Variants in E2F3 observed in about 807,000 individuals in gnomAD.
The protein encoded by E2F3 is transcription factor E2F3.
A neutral mutation model predicts 44.4 loss-of-function variants in E2F3; 11 were observed. The ratio of observed to expected loss-of-function variants is 0.25; its 90% CI spans 0.16 to 0.41. The LOEUF (loss-of-function observed/expected upper bound fraction) is 0.41. Ranked by LOEUF, E2F3 falls within the 10% of genes least tolerant of loss-of-function variation. The pLI, the probability that E2F3 is intolerant of heterozygous loss-of-function variation, is 1.00. For synonymous variants in E2F3, 249 were observed against 253.0 expected (o/e 0.98, Z 0.15); for missense variants, 487 against 583.6 (o/e 0.83, Z 1.70).
chr6:20,405,115 A>C (rs781055850), intron 1 of E2F3, among the ~76,000 whole-genome samples: 16 of 152,162 alleles, frequency 1.1e-4, no homozygotes, highest in Non-Finnish European at 2.1e-4. Context: ...TATCTAGTTC[A>C]TTGTATTTAA....
chr6:20,453,391 T>C (rs1761198003), intron 1 of E2F3, among the ~76,000 whole-genome samples: 1 of 152,070 alleles, frequency 6.6e-6, no homozygotes, highest in African/African-American at 2.4e-5. Context: ...TTCTGTTAAG[T>C]ATGGATTCAA....
chr6:20,425,624 G>A (rs1760190627), intron 1 of E2F3, among the ~76,000 whole-genome samples: 1 of 152,118 alleles, frequency 6.6e-6, no homozygotes, highest in Non-Finnish European at 1.5e-5. Context: ...CCTGACCCTA[G>A]GTGATCTGCC....
intron 1 of E2F3, among the ~76,000 whole-genome samples, chr6:20,418,771 C>T (rs901407614): frequency 6.6e-6 from 1 of 152,042 alleles, no homozygotes; most frequent in Non-Finnish European, 1.5e-5. Context: ...AGCATATGGA[C>T]ACTGTCATTC....
chr6:20,402,737 T>A lies in E2F3; in HGVS notation c.393+112T>A. The A allele has an allele frequency of 8.0e-7, 1 of 1,250,268 alleles. No individual in the cohort carries two copies. The highest frequency in any genetic ancestry group is 1.0e-6 in the Non-Finnish European group (1 of 999,076). The allele number at this position is 1,250,268 out of a possible 1,614,324, so 77.4% of individuals were successfully genotyped here. Reference sequence around the variant, plus strand: ...GGGGAGAGCACTGGGCCGAGCATCGTGGGCCTCGGGGGCTGCCCCTCCAAC... The same window carrying A: ...GGGGAGAGCACTGGGCCGAGCATCGAGGGCCTCGGGGGCTGCCCCTCCAAC... On this transcript the variant is annotated intron_variant, in intron 1 of 6. Coordinates refer to ENST00000346618, the MANE Select transcript of E2F3 (RefSeq NM_001949.5). This position sits in a 1 kb window ranked among gnomAD's most constrained non-coding sequence, Gnocchi z 5.6.
chr6:20,482,740 G>T lies in E2F3; in HGVS notation c.726-22G>T, dbSNP rs749372204. The T allele has an allele frequency of 2.5e-6, 4 of 1,574,436 alleles. No individual in the cohort carries two copies. In the African/African-American group the frequency reaches 5.4e-5, roughly 21 times the overall value. On this transcript the variant is annotated intron_variant, in intron 3 of 6. Transcript: ENST00000346618. ...CCTCCCTCCCATGAGTAGCCATGAA[G>T]AGTCTGTGTTTGGGTTTCTAGGGGC...
rs190966074 is a variant in E2F3 at position 20,411,333 on chromosome 6, C to T, written c.393+8708C>T. Among the ~76,000 whole-genome samples, 177 of 152,114 alleles carry T rather than the reference C, an allele frequency of 1.2e-3. 1 individual carries two copies. The highest frequency in any genetic ancestry group is 3.5e-3 in the African/African-American group (147 of 41,500). On this transcript the variant is annotated intron_variant, in intron 1 of 6. Transcript: ENST00000346618. ...CCCTGCCAGTGTGTGTATATCAAGG[C>T]AGGGCGGGGGGTTGTCTTGCTCTCC...
At chr6:20,473,365 C>G (rs1761951485) in intron 1 of E2F3, among the ~76,000 whole-genome samples, 1 of 152,154 alleles carries the variant, frequency 6.6e-6, no homozygotes, top group Non-Finnish European at 1.5e-5. Flanking sequence ...GTCAGTTAAT[C>G]ACACTAGACC....
chr6:20,448,427 G>A (rs952228069), intron 1 of E2F3, among the ~76,000 whole-genome samples: 2 of 152,056 alleles, frequency 1.3e-5, no homozygotes, highest in Non-Finnish European at 2.9e-5. Flanking sequence ...TGTGCCCAGA[G>A]GAAGTTAAAT....
intron 1 of E2F3, among the ~76,000 whole-genome samples, chr6:20,413,083 A>G (rs1759727497): frequency 6.6e-6 from 1 of 152,238 alleles, no homozygotes; most frequent in Non-Finnish European, 1.5e-5. Flanking sequence ...AAGTGGGGCA[A>G]CTGAAATTAA....
chr6:20,458,272 C>T (rs764698662), intron 1 of E2F3, among the ~76,000 whole-genome samples: 1 of 152,118 alleles, frequency 6.6e-6, no homozygotes, highest in Non-Finnish European at 1.5e-5. Context: ...TTTAAAGAAT[C>T]GCGTGTGCTT....
intron 1 of E2F3, among the ~76,000 whole-genome samples, chr6:20,474,095 T>G (rs1036071557): frequency 4.2e-5 from 1 of 23,716 alleles, no homozygotes; most frequent in African/African-American, 1.2e-4. Flanking sequence ...TGGGGTTTTG[T>G]GGTTTTTTTT....
intron 1 of E2F3, among the ~76,000 whole-genome samples, chr6:20,424,968 A>T (rs1162975713): frequency 6.6e-6 from 1 of 152,162 alleles, no homozygotes; most frequent in African/African-American, 2.4e-5. Flanking sequence ...TTCTCACATG[A>T]CGAGGGCAGG....
intron 1 of E2F3, among the ~76,000 whole-genome samples, chr6:20,466,824 GCT>G: frequency 6.6e-6 from 1 of 151,896 alleles, no homozygotes; most frequent in South Asian, 2.1e-4. Context: ...TGGGATTTCA[GCT>G]GCCTGCCACC....
Position 20,458,928 on chromosome 6 carries a change from T to C in E2F3, c.394-20918T>C, listed in dbSNP as rs546983076. Among the ~76,000 whole-genome samples the C allele has an allele frequency of 6.2e-4, 90 of 144,202 alleles. 1 individual carries two copies. In the South Asian group the frequency reaches 0.021, roughly 33 times the overall value. The allele number at this position is 144,202 out of a possible 152,430, so 94.6% of individuals were successfully genotyped here. ...TTGTCAGGGATCATACGAAATGGGG[T>C]CTACATCAGATTTTCCACAGTTGTT... On this transcript the variant is annotated intron_variant, in intron 1 of 6. Coordinates refer to ENST00000346618, the MANE Select transcript of E2F3 (RefSeq NM_001949.5).
chr6:20,466,165 T>TCAC (rs1351402901), intron 1 of E2F3, among the ~76,000 whole-genome samples: 2 of 151,864 alleles, frequency 1.3e-5, no homozygotes, highest in Admixed American at 1.3e-4. Flanking sequence ...CAGGCTGGAG[T>TCAC]GCAGTGTCGT....
intron 1 of E2F3, among the ~76,000 whole-genome samples, chr6:20,442,519 C>A (rs1760811245): frequency 6.6e-6 from 1 of 152,178 alleles, no homozygotes; most frequent in Non-Finnish European, 1.5e-5. Flanking sequence ...TACGTAGTTA[C>A]AAGAAACAAA....
At chr6:20,442,967 C>CA (rs60258972) in intron 1 of E2F3, among the ~76,000 whole-genome samples, 129,622 of 147,960 alleles carry the variant, frequency 0.88, 56,837 homozygotes, top group East Asian at 0.93. Flanking sequence ...CAAACTGTCT[C>CA]AAAAAAAAAA....
chr6:20,426,134 C>G (rs542525509), intron 1 of E2F3, among the ~76,000 whole-genome samples: 87 of 152,284 alleles, frequency 5.7e-4, no homozygotes, highest in Non-Finnish European at 1.1e-3. Context: ...AAATACTACA[C>G]CAGAATATAA....
intron 1 of E2F3, among the ~76,000 whole-genome samples, chr6:20,478,132 A>T (rs1762106625): frequency 6.6e-6 from 1 of 152,146 alleles, no homozygotes; most frequent in Non-Finnish European, 1.5e-5. Flanking sequence ...CTGGGAGGAC[A>T]AGGTTGCAGT....
Sources: allele counts gnomAD v4.1 joint callset (sites outside exome capture counted in the v4.1 genomes callset), GRCh38; gene constraint gnomAD v4.1.1; non-coding constraint Gnocchi (gnomAD v3.1); transcripts MANE v1.5; gene names NCBI Gene and HGNC (gene_info 2026-07-23, HGNC 2026-07-21).